PPP2R2C: variants seen among roughly 807,000 people sequenced by gnomAD.
The protein encoded by PPP2R2C is protein phosphatase 2, regulatory subunit B, gamma.
PPP2R2C carries 10 observed loss-of-function variants against 45.3 expected under a neutral mutation model. That is an observed-to-expected ratio of 0.22 (90% CI 0.14 to 0.37). The LOEUF (loss-of-function observed/expected upper bound fraction) is 0.37. Among genes scored for constraint, PPP2R2C ranks in the 10% least tolerant of loss-of-function variants. The pLI is 1.00. For missense variants in PPP2R2C, 308 were observed against 619.7 expected (o/e 0.50, Z 5.34); for synonymous variants, 257 against 245.4 (o/e 1.05, Z -0.44).
intron 6 of PPP2R2C, among the ~76,000 whole-genome samples, chr4:6,338,710 C>T (rs769997329): frequency 1.3e-5 from 2 of 152,176 alleles, no homozygotes; most frequent in Admixed American, 6.5e-5. Flanking sequence ...CACACTCCAG[C>T]CCCCTTCCTG....
chr4:6,334,720 T>A (rs916685715), intron 6 of PPP2R2C, among the ~76,000 whole-genome samples: 1 of 152,146 alleles, frequency 6.6e-6, no homozygotes, highest in Admixed American at 6.5e-5. Flanking sequence ...CCAGCCAATC[T>A]GGAAATACCT....
At chr4:6,532,953 AG>A (rs776846951) in intron 2 of PPP2R2C, among the ~76,000 whole-genome samples, 5 of 152,284 alleles carry the variant, frequency 3.3e-5, no homozygotes, top group Admixed American at 6.5e-5. Flanking sequence ...AGCTCAACAC[AG>A]GGGGTACTGC....
chr4:6,370,923 T>G (rs1197449794), intron 5 of PPP2R2C, among the ~76,000 whole-genome samples: 1 of 152,154 alleles, frequency 6.6e-6, no homozygotes, highest in Non-Finnish European at 1.5e-5. Context: ...GCAGCTCAGG[T>G]CCCAATCCTT....
At chr4:6,447,038 C>T (rs749353178) in intron 1 of PPP2R2C, among the ~76,000 whole-genome samples, 1 of 152,072 alleles carries the variant, frequency 6.6e-6, no homozygotes, top group African/African-American at 2.4e-5. Flanking sequence ...GCCAGGAGGT[C>T]CTGCCAGGAA....
At chr4:6,388,865 G>C (rs1716408882) in intron 1 of PPP2R2C, among the ~76,000 whole-genome samples, 1 of 152,186 alleles carries the variant, frequency 6.6e-6, no homozygotes, top group African/African-American at 2.4e-5. Context: ...AAGCCACGCA[G>C]TTTGTAGCAC....
upstream of PPP2R2C, among the ~76,000 whole-genome samples, chr4:6,473,526 G>A (rs1408271675): frequency 1.3e-5 from 2 of 152,230 alleles, no homozygotes; most frequent in African/African-American, 4.8e-5. Flanking sequence ...GAGCTCAACA[G>A]AGCCTTCCTG....
chr4:6,441,299 C>T (rs1226162608), intron 1 of PPP2R2C, among the ~76,000 whole-genome samples: 2 of 152,140 alleles, frequency 1.3e-5, no homozygotes, highest in African/African-American at 4.8e-5. Context: ...CCCTCCACAC[C>T]GACACCACAG....
intron 1 of PPP2R2C, among the ~76,000 whole-genome samples, chr4:6,404,532 G>T (rs1717659413): frequency 6.6e-6 from 1 of 152,188 alleles, no homozygotes; most frequent in African/African-American, 2.4e-5. Context: ...CACCCAGGTA[G>T]CACGCTTCTC....
chr4:6,561,245 A>C (rs1725566339), intron 1 of PPP2R2C, among the ~76,000 whole-genome samples: 1 of 152,220 alleles, frequency 6.6e-6, no homozygotes, highest in African/African-American at 2.4e-5. Context: ...CCTGGCCAGA[A>C]GACAGGCGTC....
rs968918363 is a variant in PPP2R2C at position 6,521,416 on chromosome 4, G to A, written c.49+13855C>T. Among the ~76,000 whole-genome samples, 11 of 152,148 alleles carry A rather than the reference G, an allele frequency of 7.2e-5. No individual in the cohort carries two copies. In the East Asian group the frequency reaches 9.6e-4, roughly 13 times the overall value. The stretch of plus-strand genomic sequence containing the variant: ...CTCCCATGATCTAGCCAGAAAGCGG[G>A]GACTTCAATGTATCATTCAGGTGGG... On this transcript the variant is annotated intron_variant, in intron 2 of 9. Coordinates refer to the PPP2R2C transcript ENST00000506140.
At chr4:6,349,170 T>A (rs1712297748) in intron 5 of PPP2R2C, 1 of 985,042 alleles carries the variant, frequency 1.0e-6, no homozygotes, top group Non-Finnish European at 1.2e-6. Context: ...CCCTCTCCCC[T>A]CTCACAGCAA....
chr4:6,549,374 A>G (rs62287263), intron 1 of PPP2R2C, among the ~76,000 whole-genome samples: 32,212 of 151,968 alleles, frequency 0.21, 3,494 homozygotes, highest in South Asian at 0.28. Flanking sequence ...ATCCAGTGAC[A>G]GACAACTCCA....
chr4:6,326,494 T>G (rs1013233645), intron 8 of PPP2R2C, among the ~76,000 whole-genome samples: 1 of 152,128 alleles, frequency 6.6e-6, no homozygotes, highest in Non-Finnish European at 1.5e-5. Flanking sequence ...AAGCCTGTTG[T>G]GGGAGGGCCT....
chr4:6,492,553 C>A (rs890210272), intron 2 of PPP2R2C, among the ~76,000 whole-genome samples: 2 of 152,250 alleles, frequency 1.3e-5, no homozygotes, highest in African/African-American at 4.8e-5. Flanking sequence ...CCCCACCCAT[C>A]TGAACTGATA....
At chr4:6,463,362 G>A (rs866660018) in intron 1 of PPP2R2C, among the ~76,000 whole-genome samples, 1 of 152,192 alleles carries the variant, frequency 6.6e-6, no homozygotes, top group Middle Eastern at 3.2e-3. Flanking sequence ...CCTGAGGAGG[G>A]GTGGGGGTGG....
intron 1 of PPP2R2C, among the ~76,000 whole-genome samples, chr4:6,446,632 G>A (rs189975752): frequency 1.1e-3 from 164 of 152,176 alleles, no homozygotes; most frequent in Non-Finnish European, 3.4e-4. Flanking sequence ...TCATCCTGGG[G>A]CACGTCTGCA....
chr4:6,370,776 GA>G (rs1714751414), intron 5 of PPP2R2C, among the ~76,000 whole-genome samples: 1 of 152,144 alleles, frequency 6.6e-6, no homozygotes, highest in Middle Eastern at 3.2e-3. Flanking sequence ...TCGTGCAGCA[GA>G]AAGAGTCTAA....
chr4:6,549,174 GTTCTC>G (rs1486986656), intron 1 of PPP2R2C, among the ~76,000 whole-genome samples: 1 of 152,128 alleles, frequency 6.6e-6, no homozygotes, highest in African/African-American at 2.4e-5. Flanking sequence ...TCATCCCCTG[GTTCTC>G]ACTTTGCCCC....
chr4:6,535,374 ACTT>A (rs1178931095), exon 2 of PPP2R2C: 1 of 1,515,636 alleles, frequency 6.6e-7, no homozygotes, highest in African/African-American at 1.4e-5. Flanking sequence ...TTTCTATTTT[ACTT>A]CTATAATCAG....
Sources: allele counts gnomAD v4.1 joint callset (sites outside exome capture counted in the v4.1 genomes callset), GRCh38; gene constraint gnomAD v4.1.1; transcripts MANE v1.5; gene names NCBI Gene and HGNC (gene_info 2026-07-23, HGNC 2026-07-21).